The following CTNNA2 variants were observed in gnomAD, a reference collection of about 807,000 sequenced individuals.
CTNNA2 encodes catenin alpha 2.
CTNNA2 carries 42 observed loss-of-function variants against 101.0 expected under a neutral mutation model. That is an observed-to-expected ratio of 0.42 (90% CI 0.32 to 0.54). The LOEUF is 0.54. Ranked by LOEUF, CTNNA2 falls within the 20% of genes least tolerant of loss-of-function variation. CTNNA2 has a pLI of 0.14. For synonymous variants in CTNNA2, 450 were observed against 456.4 expected (o/e 0.99, Z 0.18); for missense variants, 871 against 1,223.1 (o/e 0.71, Z 4.29).
chr2:79,883,287 G>C (rs1413297691), intron 6 of CTNNA2, among the ~76,000 whole-genome samples: 1 of 152,172 alleles, frequency 6.6e-6, no homozygotes, highest in Admixed American at 6.5e-5. Flanking sequence ...ACATTTATTT[G>C]TCTAAAATTA....
In CTNNA2 at chr2:80,576,667, T is replaced by G. The variant is rs191533712; in HGVS notation, c.1893+2353T>G. Reference sequence around the variant, plus strand: ...TACTTAACCTTGTTTTATGTGAGTTTGTGTTCAAAGACACCTTCTTTAATA... The same window carrying G: ...TACTTAACCTTGTTTTATGTGAGTTGGTGTTCAAAGACACCTTCTTTAATA... On this transcript the variant is annotated intron_variant, in intron 13 of 18. Coordinates refer to ENST00000402739, the MANE Select transcript of CTNNA2 (RefSeq NM_001282597.3). Among the ~76,000 whole-genome samples the G allele has an allele frequency of 2.4e-3, 361 of 151,838 alleles. 1 individual carries two copies. Among genetic ancestry groups the G allele is most frequent in the African/African-American group, 8.1e-3 (337 of 41,440 alleles).
At chr2:79,926,242 C>T (rs1045240789) in intron 7 of CTNNA2, among the ~76,000 whole-genome samples, 7 of 152,098 alleles carry the variant, frequency 4.6e-5, no homozygotes, top group Non-Finnish European at 1.0e-4. Flanking sequence ...GCCATACCTT[C>T]CAGGTGAAGA....
At chr2:80,391,519 T>A (rs11680068) in intron 7 of CTNNA2, among the ~76,000 whole-genome samples, 42,608 of 152,182 alleles carry the variant, frequency 0.28, 9,977 homozygotes, top group African/African-American at 0.65. Context: ...AATAAATGAA[T>A]AGGCCACAGG....
intron 7 of CTNNA2, among the ~76,000 whole-genome samples, chr2:80,061,812 G>A (rs1001352037): frequency 2.0e-5 from 3 of 152,132 alleles, no homozygotes; most frequent in African/African-American, 7.2e-5. Context: ...AACACTCAAT[G>A]TATTTTATAG....
chr2:79,195,921 G>T, intron 1 of CTNNA2: 1 of 458,574 alleles, frequency 2.2e-6, no homozygotes, highest in East Asian at 6.4e-5. Flanking sequence ...GGAAAGTAGG[G>T]GGATGAACTC....
At chr2:80,639,513 A>ATGTGTGTGTGTGTGTG (rs112045877) in intron 18 of CTNNA2, among the ~76,000 whole-genome samples, 6,319 of 147,444 alleles carry the variant, frequency 0.043, 232 homozygotes, top group East Asian at 0.13. Context: ...CCCAGCCTTG[A>ATGTGTGTGTGTGTGTG]TGTGTGTGTG....
At chr2:80,124,278 A>C (rs1470825537) in intron 7 of CTNNA2, among the ~76,000 whole-genome samples, 2 of 152,136 alleles carry the variant, frequency 1.3e-5, no homozygotes, top group African/African-American at 4.8e-5. Flanking sequence ...GAAGTTATGC[A>C]GAGTATCTAG....
chr2:80,308,024 G>A (rs1454930902), intron 7 of CTNNA2, among the ~76,000 whole-genome samples: 1 of 152,228 alleles, frequency 6.6e-6, no homozygotes, highest in Non-Finnish European at 1.5e-5. Flanking sequence ...GAGGCCAGAA[G>A]TATAGCTTGA....
chr2:79,516,560 A>G (rs546820799), intron 1 of CTNNA2, among the ~76,000 whole-genome samples: 1 of 152,330 alleles, frequency 6.6e-6, no homozygotes, highest in East Asian at 1.9e-4. Flanking sequence ...ATTGAAAGGT[A>G]GAGTACATAC....
At chr2:80,378,340 G>A (rs1676167600) in intron 7 of CTNNA2, among the ~76,000 whole-genome samples, 1 of 149,078 alleles carries the variant, frequency 6.7e-6, no homozygotes. Flanking sequence ...TGGGCAACAA[G>A]AGCAAAACTC....
intron 7 of CTNNA2, among the ~76,000 whole-genome samples, chr2:80,138,409 T>C (rs1702814900): frequency 6.6e-6 from 1 of 152,188 alleles, no homozygotes; most frequent in African/African-American, 2.4e-5. Context: ...TGGAGAGTAT[T>C]GTAATAGCAC....
At chr2:79,392,063 T>C (rs959546218) in intron 4 of CTNNA2, among the ~76,000 whole-genome samples, 1 of 152,174 alleles carries the variant, frequency 6.6e-6, no homozygotes, top group Non-Finnish European at 1.5e-5. Context: ...TTAACTTTAA[T>C]TACCTCTTTC....
At chr2:80,120,794 A>G (rs1241079045) in intron 7 of CTNNA2, among the ~76,000 whole-genome samples, 1 of 152,156 alleles carries the variant, frequency 6.6e-6, no homozygotes, top group East Asian at 1.9e-4. Context: ...AGACTCATCT[A>G]TTTAATCTGA....
At chr2:80,476,928 C>A (rs1430381737) in intron 9 of CTNNA2, among the ~76,000 whole-genome samples, 1 of 152,138 alleles carries the variant, frequency 6.6e-6, no homozygotes. Context: ...AGATGATTAT[C>A]TGTTAATTTT....
intron 11 of CTNNA2, among the ~76,000 whole-genome samples, chr2:80,554,384 T>G (rs144676004): frequency 6.6e-6 from 1 of 152,350 alleles, no homozygotes; most frequent in African/African-American, 2.4e-5. Context: ...ACTTTAAAAA[T>G]ATATTTATCA....
chr2:79,488,301 AGAGT>A (rs199872540), intron 4 of CTNNA2, among the ~76,000 whole-genome samples: 5,238 of 143,178 alleles, frequency 0.037, 140 homozygotes, highest in Non-Finnish European at 0.053. Context: ...CTGGGCAACA[AGAGT>A]GAAACTCCAT....
chr2:80,557,346 A>C (rs1268599779), intron 12 of CTNNA2, among the ~76,000 whole-genome samples: 1 of 152,182 alleles, frequency 6.6e-6, no homozygotes, highest in East Asian at 1.9e-4. Context: ...AGTTATAAAA[A>C]GGTATTTTTT....
intron 9 of CTNNA2, among the ~76,000 whole-genome samples, chr2:80,456,137 A>T (rs1683957004): frequency 6.6e-6 from 1 of 152,188 alleles, no homozygotes; most frequent in African/African-American, 2.4e-5. Flanking sequence ...TGCTGAATGC[A>T]TCTCCTTCAG....
chr2:80,082,751 C>G (rs1412698426), intron 7 of CTNNA2, among the ~76,000 whole-genome samples: 1 of 152,044 alleles, frequency 6.6e-6, no homozygotes, highest in Non-Finnish European at 1.5e-5. Flanking sequence ...AAGTTGTTTT[C>G]TTTACTTCTT....
Sources: gnomAD v4.1 joint callset for allele counts (sites outside exome capture counted in the v4.1 genomes callset) on GRCh38, gnomAD v4.1.1 for gene constraint, MANE v1.5 for transcripts, NCBI Gene and HGNC (gene_info 2026-07-23, HGNC 2026-07-21) for gene names.